Variants in SPARCL1 observed in about 807,000 individuals in gnomAD.
SPARCL1 encodes the protein SPARC like 1.
SPARCL1 carries 52 observed loss-of-function variants against 67.1 expected under a neutral mutation model. That is an observed-to-expected ratio of 0.78 (90% CI 0.62 to 0.98). SPARCL1 has a LOEUF of 0.98. Ranked by LOEUF, SPARCL1 falls within the 50% of genes least tolerant of loss-of-function variation. The probability of loss-of-function intolerance (pLI) is 0.00; values close to 1 mark genes in which losing one functional copy is unlikely to be tolerated. For missense variants in SPARCL1, 717 were observed against 782.4 expected (o/e 0.92, Z 1.00); for synonymous variants, 226 against 267.8 (o/e 0.84, Z 1.52).
At chr4:87,482,897 G>A (rs1475450916) in intron 7 of SPARCL1, among the ~76,000 whole-genome samples, 5 of 152,108 alleles carry the variant, frequency 3.3e-5, no homozygotes, top group Non-Finnish European at 7.4e-5. Flanking sequence ...ATTTGTAGGT[G>A]GAGGGCACAA....
chr4:87,520,823 G>T (rs543462632), intron 1 of SPARCL1, among the ~76,000 whole-genome samples: 1 of 152,340 alleles, frequency 6.6e-6, no homozygotes, highest in East Asian at 1.9e-4. Flanking sequence ...GACCTGAAAG[G>T]TATGGGCAGA....
At position 87,494,325 on chromosome 4, in the gene SPARCL1, T is replaced by A; in HGVS notation, c.475A>T (p.Lys159Ter). 6.2e-7 allele frequency: 1 copy of A among 1,614,206 alleles called. No homozygotes were observed. The highest frequency in any genetic ancestry group is 8.5e-7 in the Non-Finnish European group (1 of 1,180,038). The change falls in exon 4 of 11, where the codon AAG (lysine) becomes TAG (stop). Residue 159 changes from lysine to a stop codon, truncating the protein, a stop_gained. Transcript: ENST00000282470. LOFTEE classifies it high-confidence loss of function. The part of the protein sequence containing the change: ...TDSNQQESIT[K>*]REENQEQPRN... ...GGTTGTTCTTGGTTTTCCTCTCTCT[T>A]TGTGATACTTTCTTGTTGGTTAGAA...
intron 8 of SPARCL1, among the ~76,000 whole-genome samples, chr4:87,482,131 C>A (rs1269619147): frequency 6.6e-6 from 1 of 152,158 alleles, no homozygotes; most frequent in Non-Finnish European, 1.5e-5. Flanking sequence ...CTGACTAGAT[C>A]AATGCTAAAT....
intron 1 of SPARCL1, among the ~76,000 whole-genome samples, chr4:87,500,567 C>T (rs1411342400): frequency 6.6e-6 from 1 of 151,994 alleles, no homozygotes; most frequent in African/African-American, 2.4e-5. Flanking sequence ...ATGGATCGCC[C>T]AGAAATACTA....
chr4:87,500,192 C>G (rs1158209819), intron 1 of SPARCL1, among the ~76,000 whole-genome samples: 3 of 152,156 alleles, frequency 2.0e-5, no homozygotes, highest in African/African-American at 7.2e-5. Context: ...ACCATCTGAC[C>G]TCTTAGCAAC....
chr4:87,510,797 C>G (rs1188319723), intron 1 of SPARCL1, among the ~76,000 whole-genome samples: 1 of 152,256 alleles, frequency 6.6e-6, no homozygotes, highest in Non-Finnish European at 1.5e-5. Flanking sequence ...AGTTGCCCTA[C>G]GTGATGAGGC....
In SPARCL1 at chr4:87,473,398, A is replaced by C. The variant is rs1411255081; in HGVS notation, c.*377T>G. ...ATTGAAAATAATACACGTAAACCAC[A>C]AAAGAGTAGCATTCCATTTTCTTGA... On this transcript the variant is annotated 3_prime_UTR_variant, in exon 11 of 11. Transcript: ENST00000282470. 6.2e-6 allele frequency: 1 copy of C among 160,640 alleles called. No individual in the cohort carries two copies. The highest frequency in any genetic ancestry group is 1.4e-5 in the Non-Finnish European group (1 of 73,886). The allele number at this position is 160,640 out of a possible 1,614,324, so 10.0% of individuals were successfully genotyped here.
chr4:87,528,456 G>A (rs947282386), intron 1 of SPARCL1: 1 of 151,996 alleles, frequency 6.6e-6, no homozygotes, highest in African/African-American at 2.4e-5. Context: ...AAAATAATTA[G>A]TTATAAAGCT....
At chr4:87,489,810 TTAG>T (rs1724238121) in intron 7 of SPARCL1, among the ~76,000 whole-genome samples, 2 of 152,216 alleles carry the variant, frequency 1.3e-5, no homozygotes, top group South Asian at 4.1e-4. Context: ...GGAGAATCAC[TTAG>T]TGGTAAGGGG....
intron 1 of SPARCL1, among the ~76,000 whole-genome samples, chr4:87,504,185 T>TGGGG (rs1553970330): frequency 5.2e-4 from 10 of 19,048 alleles, no homozygotes; most frequent in Non-Finnish European, 7.7e-4. Flanking sequence ...GTGTGTGTGG[T>TGGGG]GGGGTGGGGG....
chr4:87,528,431 G>A (rs2110275051), intron 1 of SPARCL1: 1 of 152,256 alleles, frequency 6.6e-6, no homozygotes, highest in East Asian at 1.9e-4. Flanking sequence ...CTTAACAAAT[G>A]ATAGTAGGAG....
intron 5 of SPARCL1, 70 bp from the exon 6 acceptor site, chr4:87,490,948 C>T: frequency 2.1e-6 from 2 of 956,038 alleles, no homozygotes; most frequent in South Asian, 4.0e-5. Flanking sequence ...ATTCACTCAA[C>T]TAGTTTCATT....
rs930131348 is a variant in SPARCL1 at position 87,493,778 on chromosome 4, C to A, written c.1022G>T (p.Gly341Val). The change falls in exon 4 of 11, where the codon GGC (glycine) becomes GTC (valine). Residue 341 changes from glycine to valine, a missense_variant. Gly to Val is a moderately radical substitution (Grantham distance 109). Coordinates refer to ENST00000282470, the MANE Select transcript of SPARCL1 (RefSeq NM_004684.6). The part of the protein sequence containing the change: ...TPRNHGVDDD[G>V]DDDGDDGGTD... ...GCCGCCATCATCGCCATCATCATCG[C>A]CATCATCATCAACTCCATGATTTCT... 13 of 1,613,978 alleles carry A rather than the reference C, an allele frequency of 8.1e-6. No individual in the cohort carries two copies. In the African/African-American group the frequency reaches 1.5e-4, roughly 18 times the overall value.
At chr4:87,494,837 GT>G (rs1724550896) in intron 3 of SPARCL1, 143 bp downstream of exon 3, 1 of 777,936 alleles carries the variant, frequency 1.3e-6, no homozygotes, top group South Asian at 2.0e-5. Context: ...CATTCTTCTA[GT>G]GATTGGAGGC....
chr4:87,484,221 A>G (rs918977174), intron 7 of SPARCL1, among the ~76,000 whole-genome samples: 2 of 152,138 alleles, frequency 1.3e-5, no homozygotes, highest in African/African-American at 4.8e-5. Context: ...TTTAGGTCTT[A>G]TGTTTAAGTC....
At chr4:87,520,449 C>T (rs969687257) in intron 1 of SPARCL1, among the ~76,000 whole-genome samples, 2 of 152,018 alleles carry the variant, frequency 1.3e-5, no homozygotes, top group African/African-American at 4.8e-5. Context: ...GAGGAAACTC[C>T]CCAAACTCCT....
rs1000303332 is a variant in SPARCL1, at chr4:87,499,632, A to G, written c.-11-47T>C. 6 of 1,387,462 alleles carry G rather than the reference A, an allele frequency of 4.3e-6. No homozygotes were observed. The African/African-American group carries it at 5.9e-5, about 14-fold the overall frequency. The allele number at this position is 1,387,462 out of a possible 1,614,324, so 85.9% of individuals were successfully genotyped here. A position where few individuals can be genotyped will look rare whatever the true frequency, so the allele number is the denominator to read the frequency against. On this transcript the variant is annotated intron_variant, in intron 1 of 10. Transcript: ENST00000282470. ...ATCAGTGGCAGGGAAAAGTTTCCTC[A>G]TGAAAAACTGAAAGATAGTCTTAGC...
intron 1 of SPARCL1, among the ~76,000 whole-genome samples, chr4:87,519,990 A>G (rs1725738562): frequency 6.6e-6 from 1 of 152,172 alleles, no homozygotes; most frequent in South Asian, 2.1e-4. Context: ...CTGTAATCCC[A>G]GCACTTTGGG....
chr4:87,486,421 G>A (rs1265579880), intron 7 of SPARCL1, among the ~76,000 whole-genome samples: 4 of 152,136 alleles, frequency 2.6e-5, no homozygotes, highest in Non-Finnish European at 5.9e-5. Context: ...TTGCAGTGTG[G>A]TCTGAGAGAC....
Sources: allele counts gnomAD v4.1 joint callset (sites outside exome capture counted in the v4.1 genomes callset), GRCh38; gene constraint gnomAD v4.1.1; transcripts MANE v1.5; gene names NCBI Gene and HGNC (gene_info 2026-07-23, HGNC 2026-07-21).